GNS: variants seen among roughly 807,000 people sequenced by gnomAD.
GNS encodes the protein glucosamine (N-acetyl)-6-sulfatase.
A neutral mutation model predicts 69.7 loss-of-function variants in GNS; 40 were observed. The observed-to-expected ratio is 0.57, with a 90% confidence interval of 0.45 to 0.75. GNS has a LOEUF of 0.75. Among genes scored for constraint, GNS ranks in the 30% least tolerant of loss-of-function variants. The probability of loss-of-function intolerance (pLI) is 0.00; values close to 1 mark genes in which losing one functional copy is unlikely to be tolerated. For missense variants in GNS, 565 were observed against 685.5 expected, an observed-to-expected ratio of 0.82 and a Z score of 1.96; for synonymous variants, 243 against 251.6, an observed-to-expected ratio of 0.97 and a Z score of 0.32.
intron 6 of GNS, among the ~76,000 whole-genome samples, chr12:64,742,743 C>G (rs181444480): frequency 6.6e-6 from 1 of 152,294 alleles, no homozygotes; most frequent in Non-Finnish European, 1.5e-5. Context: ...CATTCAACTT[C>G]CCTTTCCAAC....
intron 6 of GNS, among the ~76,000 whole-genome samples, chr12:64,741,258 T>C (rs1429831412): frequency 4.0e-5 from 6 of 151,706 alleles, no homozygotes; most frequent in South Asian, 2.1e-4. Flanking sequence ...TTCCTCTAAG[T>C]TGCTTTTTTT....
At chr12:64,723,180 G>T in intron 10 of GNS, 67 bp from the exon 11 acceptor site, 1 of 986,162 alleles carries the variant, frequency 1.0e-6, no homozygotes, top group South Asian at 1.3e-5. Flanking sequence ...CAAAGTAATT[G>T]ACTGCTAAAG....
chr12:64,728,885 G>A, intron 10 of GNS, 71 bp downstream of exon 10: 1 of 785,530 alleles, frequency 1.3e-6, no homozygotes, highest in Non-Finnish European at 2.3e-6. Context: ...ATATTTAAAT[G>A]CTTAAGTCTT....
intron 5 of GNS, 62 bp from the exon 6 acceptor site, chr12:64,743,370 A>G: frequency 8.3e-7 from 1 of 1,209,536 alleles, no homozygotes. Flanking sequence ...TTAATAGATA[A>G]ATGTCTTCTG....
At chr12:64,721,782 C>T (rs774103638) in intron 11 of GNS, 77 bp from the exon 12 acceptor site, 30 of 816,064 alleles carry the variant, frequency 3.7e-5, no homozygotes, top group Non-Finnish European at 6.1e-5. Context: ...GAAGGGCAAT[C>T]GGCTTGGCTC....
rs141736156 is a variant in GNS at position 64,716,316 on chromosome 12, C to T, written c.*425G>A. On this transcript the variant is annotated 3_prime_UTR_variant, in exon 14 of 14. Transcript: ENST00000258145. ...GTGAAGTGCTCAATCTGAAATGCTA[C>T]ACAGGTCCTTTGACTTTAGGTCAAG... The T allele has an allele frequency of 5.0e-5, 13 of 259,826 alleles. No individual in the cohort carries two copies. The highest frequency in any genetic ancestry group is 1.4e-3 in the Middle Eastern group (1 of 694). 16.1% of individuals were successfully genotyped at this position (259,826 alleles called of 1,614,324 possible). A position where few individuals can be genotyped will look rare whatever the true frequency, so the allele number is the denominator to read the frequency against.
Position 64,714,770 on chromosome 12 carries a change from A to C in GNS, c.*1971T>G, listed in dbSNP as rs1403593888. The C allele has an allele frequency of 2.0e-5, 3 of 152,374 alleles. No individual in the cohort carries two copies. Among genetic ancestry groups the C allele is most frequent in the African/African-American group, 7.2e-5 (3 of 41,456 alleles). The allele number at this position is 152,374 out of a possible 1,614,324, so 9.4% of individuals were successfully genotyped here. ...TTTTATTTGGAAATAACTATGGTCAACTTTCATTAATGTGGAAGTTGACTG... is the reference window on the plus strand; with the variant it reads ...TTTTATTTGGAAATAACTATGGTCACCTTTCATTAATGTGGAAGTTGACTG... On this transcript the variant is annotated 3_prime_UTR_variant, in exon 14 of 14. Transcript: ENST00000258145.
chr12:64,740,655 G>T lies in GNS; in HGVS notation c.826C>A (p.Pro276Thr). 1.9e-6 allele frequency: 3 copies of T among 1,589,812 alleles called. No individual in the cohort carries two copies. The South Asian group carries it at 3.3e-5, about 18-fold the overall frequency. The change falls in exon 7 of 14, where the codon CCA becomes ACA. Residue 276 changes from proline to threonine, a missense_variant. Around this residue, in one of 2 missense-constraint regions of GNS, gnomAD observed 384 missense variants for 511.0 expected, o/e 0.75. Transcript: ENST00000258145. ...KHWLIRQAKT[P>T]MTNSSIQFLD... ...AACTGTATTGAAGAATTAGTCATTG[G>T]AGTCTTGGCTTGCCTAATTAACCAG...
intron 9 of GNS, among the ~76,000 whole-genome samples, chr12:64,734,473 G>C (rs1031605594): frequency 3.3e-5 from 5 of 152,130 alleles, no homozygotes; most frequent in African/African-American, 9.7e-5. Flanking sequence ...AGCCCTAAAG[G>C]ACAATTAACT....
intron 3 of GNS, among the ~76,000 whole-genome samples, chr12:64,747,435 G>A (rs1308207307): frequency 1.3e-5 from 2 of 152,098 alleles, no homozygotes; most frequent in Non-Finnish European, 2.9e-5. Context: ...GCACTCTTAG[G>A]ACAATTTTTA....
At chr12:64,738,421 C>G (rs80230129) in intron 8 of GNS, among the ~76,000 whole-genome samples, 1 of 152,254 alleles carries the variant, frequency 6.6e-6, no homozygotes, top group African/African-American at 2.4e-5. Context: ...AAGAAAAACA[C>G]AGGGAGAGTA....
rs1041806045 is a variant in GNS, at chr12:64,742,461, A to C, written c.792+680T>G. The stretch of plus-strand genomic sequence containing the variant: ...GTTCCATGAGGGATCAAGAACTCCC[A>C]CTTCACATGAAAAAATGAAGTTAAG... On this transcript the variant is annotated intron_variant, in intron 6 of 13. Coordinates refer to ENST00000258145, the MANE Select transcript of GNS (RefSeq NM_002076.4). Among the ~76,000 whole-genome samples the C allele has an allele frequency of 2.0e-5, 3 of 152,260 alleles. No individual in the cohort carries two copies. The South Asian group carries it at 6.2e-4, about 32-fold the overall frequency.
intron 5 of GNS, among the ~76,000 whole-genome samples, chr12:64,743,744 T>C (rs893661990): frequency 6.6e-6 from 1 of 152,222 alleles, no homozygotes; most frequent in Non-Finnish European, 1.5e-5. Flanking sequence ...AGAAAGTAGA[T>C]GTCATAAATT....
At position 64,759,348 on chromosome 12, in the gene GNS, G is replaced by A. The variant is rs1870399340; in HGVS notation, c.-72C>T. The A allele has an allele frequency of 9.6e-7, 1 of 1,045,192 alleles. No homozygotes were observed. The highest frequency in any genetic ancestry group is 1.7e-5 in the South Asian group (1 of 60,142). 64.7% of individuals were successfully genotyped at this position (1,045,192 alleles called of 1,614,324 possible). A position where few individuals can be genotyped will look rare whatever the true frequency, so the allele number is the denominator to read the frequency against. ...ACGCACAGGTAGCTGAAGGGCGAGA[G>A]GCCGACCAGCCGAAGGAATAAAAAG... On this transcript the variant is annotated 5_prime_UTR_variant, in exon 1 of 14. Coordinates refer to ENST00000258145, the MANE Select transcript of GNS (RefSeq NM_002076.4).
In GNS at chr12:64,744,856, G is replaced by T; in HGVS notation, c.577C>A (p.Arg193=). The T allele has an allele frequency of 6.4e-7, 1 of 1,569,734 alleles. No homozygotes were observed. The highest frequency in any genetic ancestry group is 8.8e-7 in the Non-Finnish European group (1 of 1,139,612). The change falls in exon 5 of 14, where the codon CGG becomes AGG. Residue 193 remains arginine (R), a synonymous_variant. Transcript: ENST00000258145. ...NYTLSINGKA[R]KHGENYSVDY... is the part of the protein sequence containing the mutation. Reference sequence around the variant, plus strand: ...ACACTATAGTTTTCACCATGCTTCCGTGCCTTCCCATTGATAGACAGGGTG... The same window carrying T: ...ACACTATAGTTTTCACCATGCTTCCTTGCCTTCCCATTGATAGACAGGGTG...
Position 64,714,241 on chromosome 12 carries a change from ACT to A in GNS, c.*2498_*2499del, listed in dbSNP as rs1373061831. On this transcript the variant is annotated 3_prime_UTR_variant, in exon 14 of 14. Coordinates refer to ENST00000258145, the MANE Select transcript of GNS (RefSeq NM_002076.4). ...TGTAACAGGAAATTGTATAAGGCAAACTCTCTATTCATTCCTAAGGCCTCTGT... is the reference window on the plus strand; with the variant it reads ...TGTAACAGGAAATTGTATAAGGCAAACTCTATTCATTCCTAAGGCCTCTGT... The A allele has an allele frequency of 1.3e-5, 2 of 152,094 alleles. No homozygotes were observed. Among genetic ancestry groups the A allele is most frequent in the African/African-American group, 4.8e-5 (2 of 41,410 alleles). 9.4% of individuals were successfully genotyped at this position (152,094 alleles called of 1,614,324 possible). A position where few individuals can be genotyped will look rare whatever the true frequency, so the allele number is the denominator to read the frequency against.
rs1049645835 is a variant in GNS at position 64,714,797 on chromosome 12, T to C, written c.*1944A>G. 2 of 152,528 alleles carry C rather than the reference T, an allele frequency of 1.3e-5. No individual in the cohort carries two copies. The highest frequency in any genetic ancestry group is 4.8e-5 in the African/African-American group (2 of 41,466). 9.4% of individuals were successfully genotyped at this position (152,528 alleles called of 1,614,324 possible). On this transcript the variant is annotated 3_prime_UTR_variant, in exon 14 of 14. Transcript: ENST00000258145. ...TTTCATTAATGTGGAAGTTGACTGATAATGTTAAGAGTCAAAGTGAAAAAG... is the reference window on the plus strand; with the variant it reads ...TTTCATTAATGTGGAAGTTGACTGACAATGTTAAGAGTCAAAGTGAAAAAG...
chr12:64,756,207 T>C (rs1044700444), intron 1 of GNS, among the ~76,000 whole-genome samples: 1 of 152,256 alleles, frequency 6.6e-6, no homozygotes, highest in African/African-American at 2.4e-5. Flanking sequence ...TAAATCATGT[T>C]GTAAATGCTA....
intron 8 of GNS, among the ~76,000 whole-genome samples, chr12:64,738,310 G>T (rs186110081): frequency 1.8e-3 from 276 of 152,274 alleles, no homozygotes; most frequent in Admixed American, 4.1e-3. Flanking sequence ...GAGGCTGGTG[G>T]TCTGCATCTT....
Sources: gnomAD v4.1 joint callset for allele counts (sites outside exome capture counted in the v4.1 genomes callset) on GRCh38, gnomAD v4.1.1 for gene constraint, gnomAD v4.1.1 regional missense constraint, MANE v1.5 for transcripts, NCBI Gene and HGNC (gene_info 2026-07-23, HGNC 2026-07-21) for gene names.